PRKX: variants seen among roughly 807,000 people sequenced by gnomAD.
The protein encoded by PRKX is cAMP-dependent protein kinase catalytic subunit PRKX.
Under a neutral mutation model 22.0 loss-of-function variants are expected in PRKX, and 12 were observed. The ratio of observed to expected loss-of-function variants is 0.54; its 90% CI spans 0.35 to 0.88. The LOEUF is 0.88. Among genes scored for constraint, PRKX ranks in the 40% least tolerant of loss-of-function variants. The pLI is 0.01. For missense variants in PRKX, 217 were observed against 308.0 expected (o/e 0.70, Z 2.21); for synonymous variants, 134 against 137.7 (o/e 0.97, Z 0.19).
intron 2 of PRKX, among the ~76,000 whole-genome samples, chrX:3,661,551 G>A (rs1412310324): frequency 3.7e-5 from 4 of 108,285 alleles, no homozygotes; most frequent in Non-Finnish European, 7.6e-5. Context: ...AGCTATGACT[G>A]AACCTCTGCA....
intron 2 of PRKX, among the ~76,000 whole-genome samples, chrX:3,662,298 C>A (rs367956873): frequency 9.0e-6 from 1 of 111,033 alleles, no homozygotes; most frequent in Non-Finnish European, 1.9e-5. Context: ...CGGTGGCTCA[C>A]GTCTGTAATT....
rs778576832 is a variant in PRKX at position 3,655,354 on chromosome X, C to T, written c.394G>A (p.Gly132Ser). The T allele has an allele frequency of 8.3e-6, 10 of 1,212,121 alleles. No homozygotes were observed. Among genetic ancestry groups the T allele is most frequent in the Non-Finnish European group, 1.1e-5 (10 of 895,628 alleles). Residue 132 changes from glycine (G) to serine (S), a missense_variant, in exon 3 of 9, where the codon GGC becomes AGC. Physicochemically the swap from Gly to Ser is moderately conservative, Grantham distance 56. Transcript: ENST00000262848. Reference sequence around the variant, plus strand: ...TTGCGCAGGTAGCTGAAGAGCTCGCCGCCCGGCACGTACTCCATGAGCATG... The same window carrying T: ...TTGCGCAGGTAGCTGAAGAGCTCGCTGCCCGGCACGTACTCCATGAGCATG... ...LYMLMEYVPG[G>S]ELFSYLRNRG...
At chrX:3,630,775 T>C (rs1490476775) in intron 4 of PRKX, among the ~76,000 whole-genome samples, 1 of 111,069 alleles carries the variant, frequency 9.0e-6, no homozygotes, top group East Asian at 2.8e-4. Flanking sequence ...ACTAGGGCAA[T>C]GTTGCTAAAC....
rs1211268224 is a variant in PRKX, at chrX:3,605,381, C to A, written c.*3588G>T. 8.9e-6 allele frequency: 1 copy of A among 112,432 alleles called. No individual in the cohort carries two copies. The highest frequency in any genetic ancestry group is 1.9e-5 in the Non-Finnish European group (1 of 53,324). 9.3% of individuals were successfully genotyped at this position (112,432 alleles called of 1,213,427 possible). A position where few individuals can be genotyped will look rare whatever the true frequency, so the allele number is the denominator to read the frequency against. ...CAACCCAAGCCAGTGCTGTCTTGCACCCTGTTCACTCAGTAGCTGGAGCAA... is the reference window on the plus strand; with the variant it reads ...CAACCCAAGCCAGTGCTGTCTTGCAACCTGTTCACTCAGTAGCTGGAGCAA... On this transcript the variant is annotated 3_prime_UTR_variant, in exon 9 of 9. Transcript: ENST00000262848.
chrX:3,675,258 G>GC (rs1278455194), intron 1 of PRKX, among the ~76,000 whole-genome samples: 1 of 111,607 alleles, frequency 9.0e-6, no homozygotes, highest in Non-Finnish European at 1.9e-5. Flanking sequence ...GCACATTAAG[G>GC]CTTGCTCAAA....
intron 2 of PRKX, among the ~76,000 whole-genome samples, chrX:3,665,484 A>C (rs1172512512): frequency 9.1e-6 from 1 of 110,371 alleles, no homozygotes; most frequent in Non-Finnish European, 1.9e-5. Flanking sequence ...TCTAAAAAAT[A>C]ATAATAATAA....
rs1342133608 is a variant in PRKX, at chrX:3,608,422, C to G, written c.*547G>C. 7.3e-5 allele frequency: 8 copies of G among 109,698 alleles called. No homozygotes were observed. Among genetic ancestry groups the G allele is most frequent in the Non-Finnish European group, 7.6e-5 (4 of 52,689 alleles). 9.0% of individuals were successfully genotyped at this position (109,698 alleles called of 1,213,427 possible). On this transcript the variant is annotated 3_prime_UTR_variant, in exon 9 of 9. Transcript: ENST00000262848. ...GCATGTGAGATGATTTTTTTTAATG[C>G]ATGCAACATACCCTTCAGATGTTGT...
At chrX:3,681,186 A>C (rs1261736530) in intron 1 of PRKX, among the ~76,000 whole-genome samples, 1 of 112,005 alleles carries the variant, frequency 8.9e-6, no homozygotes, top group African/African-American at 3.2e-5. Flanking sequence ...ATTCCCGACC[A>C]GCCTGGGCAA....
chrX:3,623,315 T>G (rs1017669371), intron 5 of PRKX, among the ~76,000 whole-genome samples: 2 of 110,746 alleles, frequency 1.8e-5, no homozygotes, highest in Non-Finnish European at 3.8e-5. Context: ...AGCTATGCAG[T>G]GGGCTGAAGT....
intron 5 of PRKX, 102 bp from the exon 6 acceptor site, chrX:3,621,418 G>T: frequency 1.4e-6 from 1 of 735,664 alleles, no homozygotes; most frequent in Non-Finnish European, 2.0e-6. Flanking sequence ...CTGACATGAG[G>T]ACCGCAGTTC....
intron 1 of PRKX, among the ~76,000 whole-genome samples, chrX:3,697,693 C>T (rs951445160): frequency 1.8e-5 from 2 of 110,416 alleles, no homozygotes; most frequent in Non-Finnish European, 3.8e-5. Flanking sequence ...CACAGGTGCT[C>T]GTCGCCATGC....
intron 6 of PRKX, among the ~76,000 whole-genome samples, chrX:3,617,659 TAAAA>T (rs904964902): frequency 3.7e-5 from 4 of 108,717 alleles, no homozygotes; most frequent in Non-Finnish European, 7.6e-5. Flanking sequence ...AAAATAAAAA[TAAAA>T]AAAGTGTGTG....
chrX:3,706,771 G>A (rs1423189038), intron 1 of PRKX, among the ~76,000 whole-genome samples: 5 of 112,060 alleles, frequency 4.5e-5, no homozygotes, highest in African/African-American at 9.7e-5. Context: ...AGGAGGCAGC[G>A]TGCTGCAGGC....
intron 1 of PRKX, among the ~76,000 whole-genome samples, chrX:3,705,501 A>G (rs1928663651): frequency 9.0e-6 from 1 of 110,922 alleles, no homozygotes; most frequent in Non-Finnish European, 1.9e-5. Flanking sequence ...CCACCTGGAG[A>G]AACAGGCAGA....
intron 1 of PRKX, among the ~76,000 whole-genome samples, chrX:3,707,935 G>A: frequency 8.9e-6 from 1 of 112,062 alleles, no homozygotes. Flanking sequence ...CCACAAGGCT[G>A]CTGATTTATG....
intron 4 of PRKX, among the ~76,000 whole-genome samples, chrX:3,636,683 A>G (rs1435952953): frequency 8.9e-6 from 1 of 112,287 alleles, no homozygotes; most frequent in East Asian, 2.8e-4. Context: ...AATATGGTGA[A>G]ACCCCCTCTC....
chrX:3,684,704 G>C (rs1928141084), intron 1 of PRKX, among the ~76,000 whole-genome samples: 1 of 111,361 alleles, frequency 9.0e-6, no homozygotes, highest in South Asian at 3.8e-4. Context: ...GGGCAGGGCT[G>C]GTTCCTCCTG....
Position 3,700,534 on chromosome X carries a change from TC to T in PRKX, c.166+12553del, listed in dbSNP as rs201543145. Among the ~76,000 whole-genome samples the T allele has an allele frequency of 2.3e-3, 257 of 111,111 alleles. 1 individual carries two copies. Among genetic ancestry groups the T allele is most frequent in the African/African-American group, 8.1e-3 (243 of 30,039 alleles). ...GTTACTGATTTTTTTTCTATGTTTT[TC>T]TTTTACTTTTTTCTTCTCTTTTTTT... On this transcript the variant is annotated intron_variant, in intron 1 of 8. Transcript: ENST00000262848.
chrX:3,646,886 G>A (rs1000447803), intron 3 of PRKX, among the ~76,000 whole-genome samples: 2 of 110,563 alleles, frequency 1.8e-5, no homozygotes, highest in African/African-American at 3.3e-5. Context: ...TGATCAGCAG[G>A]GAGAAGGGTG....
Sources: allele counts gnomAD v4.1 joint callset (sites outside exome capture counted in the v4.1 genomes callset), GRCh38; gene constraint gnomAD v4.1.1; transcripts MANE v1.5; gene names NCBI Gene and HGNC (gene_info 2026-07-23, HGNC 2026-07-21).